The following KLHL7 variants were observed in gnomAD, a reference collection of about 807,000 sequenced individuals.
KLHL7 encodes kelch-like protein 7.
Under a neutral mutation model 67.4 loss-of-function variants are expected in KLHL7, and 44 were observed. That is an observed-to-expected ratio of 0.65 (90% CI 0.51 to 0.84). KLHL7 has a LOEUF of 0.84. Ranked by LOEUF, KLHL7 falls within the 40% of genes least tolerant of loss-of-function variation. KLHL7 has a pLI of 0.00. For missense variants in KLHL7, 362 were observed against 718.1 expected (o/e 0.50, Z 5.67); for synonymous variants, 252 against 243.3 (o/e 1.04, Z -0.33).
chr7:23,164,194 C>A (rs1314622830), intron 7 of KLHL7, among the ~76,000 whole-genome samples: 2 of 132,534 alleles, frequency 1.5e-5, no homozygotes, highest in African/African-American at 6.3e-5. Flanking sequence ...TATCTAGGTA[C>A]TATAATCAGC....
At chr7:23,129,984 ATAT>A (rs1783736023) in intron 4 of KLHL7, 1 of 152,224 alleles carries the variant, frequency 6.6e-6, no homozygotes, top group Non-Finnish European at 1.5e-5. Flanking sequence ...TTTGAAAATT[ATAT>A]TATTTCTACA....
intron 4 of KLHL7, among the ~76,000 whole-genome samples, chr7:23,134,162 G>T (rs1380186666): frequency 6.6e-6 from 1 of 152,078 alleles, no homozygotes; most frequent in East Asian, 1.9e-4. Context: ...ATTATGAAAG[G>T]ATGTTGAATT....
intron 2 of KLHL7, among the ~76,000 whole-genome samples, chr7:23,124,291 C>T (rs988418316): frequency 2.7e-5 from 4 of 149,076 alleles, no homozygotes; most frequent in African/African-American, 5.0e-5. Flanking sequence ...ATATTTTAGC[C>T]GGCAAGTTAA....
Position 23,135,052 on chromosome 7 carries a change from CTT to C in KLHL7, c.443-5716_443-5715del, listed in dbSNP as rs1783929462. On this transcript the variant is annotated intron_variant, in intron 4 of 10. Coordinates refer to ENST00000339077, the MANE Select transcript of KLHL7 (RefSeq NM_001031710.3). Reference sequence around the variant, plus strand: ...ATTGTTAATTTAAGATTTTTCCTCTCTTGATGTAGGCACTTATAACTATAAAT... The same window carrying C: ...ATTGTTAATTTAAGATTTTTCCTCTCGATGTAGGCACTTATAACTATAAAT... 2.6e-5 allele frequency among the ~76,000 whole-genome samples: 4 copies of C among 152,082 alleles called. No homozygotes were observed. The South Asian group carries it at 8.3e-4, about 31-fold the overall frequency.
At chr7:23,128,314 G>C (rs1783657983) in intron 4 of KLHL7, among the ~76,000 whole-genome samples, 1 of 148,922 alleles carries the variant, frequency 6.7e-6, no homozygotes, top group African/African-American at 2.4e-5. Context: ...CTAGTGAGAA[G>C]ATAAAAGAAA....
chr7:23,142,429 A>G (rs1015074926), intron 5 of KLHL7, among the ~76,000 whole-genome samples: 1 of 152,142 alleles, frequency 6.6e-6, no homozygotes, highest in African/African-American at 2.4e-5. Flanking sequence ...TTGCAAATTG[A>G]CAGGTTGGAC....
chr7:23,155,645 C>G (rs914429552), intron 7 of KLHL7, among the ~76,000 whole-genome samples: 13 of 144,424 alleles, frequency 9.0e-5, no homozygotes, highest in Non-Finnish European at 1.7e-4. Context: ...GCCTGGGCAA[C>G]AAGAGAACAG....
At chr7:23,168,067 G>T (rs1360716368) in intron 9 of KLHL7, 30 bp downstream of exon 9, 1 of 1,587,944 alleles carries the variant, frequency 6.3e-7, no homozygotes, top group Non-Finnish European at 8.6e-7. Flanking sequence ...TTATTTTACA[G>T]TTAACTGTAT....
chr7:23,132,386 T>C (rs1783833110), intron 4 of KLHL7, among the ~76,000 whole-genome samples: 1 of 152,254 alleles, frequency 6.6e-6, no homozygotes, highest in Non-Finnish European at 1.5e-5. Flanking sequence ...AGTTTTGATT[T>C]GCATTTCTCT....
intron 1 of KLHL7, among the ~76,000 whole-genome samples, chr7:23,107,712 A>T (rs1583627185): frequency 6.6e-6 from 1 of 152,192 alleles, no homozygotes; most frequent in East Asian, 1.9e-4. Flanking sequence ...GGAAGGAAAA[A>T]ATGGTTACCT....
Position 23,156,506 on chromosome 7 carries a change from T to C in KLHL7, c.936+4297T>C, listed in dbSNP as rs1050511112. Reference sequence around the variant, plus strand: ...TATTAATACCTAAATAAAAGTTGACTTAACTGATCAGTTTTTATTTGGATT... The same window carrying C: ...TATTAATACCTAAATAAAAGTTGACCTAACTGATCAGTTTTTATTTGGATT... On this transcript the variant is annotated intron_variant, in intron 7 of 10. Coordinates refer to ENST00000339077, the MANE Select transcript of KLHL7 (RefSeq NM_001031710.3). 7.9e-5 allele frequency among the ~76,000 whole-genome samples: 12 copies of C among 152,344 alleles called. No homozygotes were observed. The East Asian group carries it at 2.3e-3, about 29-fold the overall frequency.
chr7:23,160,635 C>T (rs941165802), intron 7 of KLHL7, among the ~76,000 whole-genome samples: 3 of 152,140 alleles, frequency 2.0e-5, no homozygotes, highest in African/African-American at 7.2e-5. Flanking sequence ...ATAGCACAAC[C>T]TCCCTCCTCC....
intron 1 of KLHL7, among the ~76,000 whole-genome samples, chr7:23,110,700 G>A (rs1156814519): frequency 2.7e-5 from 4 of 150,030 alleles, no homozygotes; most frequent in Non-Finnish European, 5.9e-5. Context: ...GTGCCATATT[G>A]GTGTGCTGCA....
chr7:23,168,340 G>A (rs1461344672), intron 9 of KLHL7, among the ~76,000 whole-genome samples: 2 of 152,164 alleles, frequency 1.3e-5, no homozygotes, highest in African/African-American at 2.4e-5. Context: ...TGTTTGAGCG[G>A]TCAGGAAATG....
chr7:23,147,931 G>C (rs6961267), intron 6 of KLHL7, among the ~76,000 whole-genome samples: 11,546 of 152,090 alleles, frequency 0.076, 1,229 homozygotes, highest in African/African-American at 0.23. Flanking sequence ...ATTTTTCTTA[G>C]CCCATCCTTT....
intron 1 of KLHL7, among the ~76,000 whole-genome samples, chr7:23,110,688 A>G (rs1782831218): frequency 6.6e-6 from 1 of 151,434 alleles, no homozygotes; most frequent in Non-Finnish European, 1.5e-5. Context: ...ATATGTATAC[A>G]TGTGCCATAT....
intron 4 of KLHL7, among the ~76,000 whole-genome samples, chr7:23,137,619 C>A (rs7801965): frequency 6.6e-6 from 1 of 151,318 alleles, no homozygotes; most frequent in East Asian, 2.0e-4. Context: ...GCTGGGATTA[C>A]AGGCACCCAC....
At chr7:23,162,371 G>A (rs993903275) in intron 7 of KLHL7, among the ~76,000 whole-genome samples, 1 of 152,174 alleles carries the variant, frequency 6.6e-6, no homozygotes, top group African/African-American at 2.4e-5. Flanking sequence ...ATAGTTCCTG[G>A]AAAGGTAAGT....
chr7:23,119,304 A>G (rs1783232005), intron 1 of KLHL7, among the ~76,000 whole-genome samples: 1 of 152,128 alleles, frequency 6.6e-6, no homozygotes, highest in South Asian at 2.1e-4. Context: ...TCCTGGGTTC[A>G]AGCGATTCTC....
Sources: gnomAD v4.1 joint callset for allele counts (sites outside exome capture counted in the v4.1 genomes callset) on GRCh38, gnomAD v4.1.1 for gene constraint, MANE v1.5 for transcripts, NCBI Gene and HGNC (gene_info 2026-07-23, HGNC 2026-07-21) for gene names.